HEXB: variants seen among roughly 807,000 people sequenced by gnomAD.
HEXB encodes beta-hexosaminidase subunit beta.
In HEXB, 51 loss-of-function variants were observed where a neutral mutation model predicts 71.2. The ratio of observed to expected loss-of-function variants is 0.72; its 90% CI spans 0.57 to 0.90. The LOEUF (loss-of-function observed/expected upper bound fraction) is 0.90. HEXB is among the 40% of genes least tolerant of loss of function. HEXB has a pLI of 0.00. For missense variants in HEXB, 617 were observed against 677.0 expected (o/e 0.91, Z 0.98); for synonymous variants, 266 against 249.3 (o/e 1.07, Z -0.63).
intron 1 of HEXB, among the ~76,000 whole-genome samples, chr5:74,672,075 C>T (rs1368079593): frequency 6.6e-6 from 1 of 152,216 alleles, no homozygotes; most frequent in African/African-American, 2.4e-5. Context: ...ATCCAGGCTT[C>T]TGCTATCCCG....
At chr5:74,716,810 C>T (rs1312861148) in intron 9 of HEXB, 137 bp downstream of exon 9, 1 of 598,176 alleles carries the variant, frequency 1.7e-6, no homozygotes, top group Non-Finnish European at 3.0e-6. Flanking sequence ...AGGCAATACC[C>T]ACTGCTTGCT....
At chr5:74,692,333 A>C (rs1362498569) in intron 2 of HEXB, among the ~76,000 whole-genome samples, 2 of 141,824 alleles carry the variant, frequency 1.4e-5, no homozygotes, top group Non-Finnish European at 3.0e-5. Context: ...CCCTGTCTCT[A>C]CAAAAAAAAA....
At chr5:74,682,339 T>G (rs1027802066), upstream of HEXB, among the ~76,000 whole-genome samples, 1 of 152,040 alleles carries the variant, frequency 6.6e-6, no homozygotes, top group South Asian at 2.1e-4. Flanking sequence ...GCCTGGGCGA[T>G]AGAGCGAGAC....
intron 1 of HEXB, among the ~76,000 whole-genome samples, chr5:74,661,553 GTGTGTGTGTGTC>G (rs1748325168): frequency 3.1e-4 from 20 of 63,972 alleles, no homozygotes; most frequent in African/African-American, 1.0e-3. Context: ...GTGTGTGTGT[GTGTGTGTGTGTC>G]TCTCTCTCTC....
chr5:74,708,240 TGA>T (rs1236777295), intron 6 of HEXB, among the ~76,000 whole-genome samples: 2 of 151,758 alleles, frequency 1.3e-5, no homozygotes, highest in African/African-American at 2.4e-5. Flanking sequence ...AAGCAAATGC[TGA>T]GAGATTTTGT....
intron 3 of HEXB, among the ~76,000 whole-genome samples, chr5:74,695,337 G>A (rs529002956): frequency 6.7e-6 from 1 of 150,028 alleles, no homozygotes; most frequent in Non-Finnish European, 1.5e-5. Flanking sequence ...CCGAGTAGCT[G>A]GTACTACAGG....
Position 74,685,386 on chromosome 5 carries a change from G to A in HEXB, c.126G>A (p.Ala42=), listed in dbSNP as rs1457481809. The change falls in exon 1 of 14, where the codon GCG becomes GCA. Residue 42 remains alanine, a synonymous_variant. Coordinates refer to ENST00000261416, the MANE Select transcript of HEXB (RefSeq NM_000521.4). ...CGCTGGTGGTGCAGGTGGCGGAGGC[G>A]GCTCGGGCCCCGAGCGTCTCGGCCA... The part of the protein sequence containing the change: ...QVALVVQVAE[A]ARAPSVSAKP... 4 of 1,593,274 alleles carry A rather than the reference G, an allele frequency of 2.5e-6. No homozygotes were observed. The highest frequency in any genetic ancestry group is 1.7e-5 in the Admixed American group (1 of 57,272).
At chr5:74,680,967 A>G (rs1748726576), upstream of HEXB, among the ~76,000 whole-genome samples, 9 of 152,346 alleles carry the variant, frequency 5.9e-5, no homozygotes, top group South Asian at 1.7e-3. Context: ...CCACTTTTTC[A>G]TATTTCAGTC....
At chr5:74,699,903 C>T (rs573460265) in intron 5 of HEXB, among the ~76,000 whole-genome samples, 1 of 150,818 alleles carries the variant, frequency 6.6e-6, no homozygotes, top group Admixed American at 6.6e-5. Flanking sequence ...AAATATATCT[C>T]CTTGTTTTAA....
rs1260110368 is a variant in HEXB at position 74,652,458 on chromosome 5, G to A, written c.-377+11900G>A. Among the ~76,000 whole-genome samples, 7 of 152,212 alleles carry A rather than the reference G, an allele frequency of 4.6e-5. No individual in the cohort carries two copies. The highest frequency in any genetic ancestry group is 8.8e-5 in the Non-Finnish European group (6 of 68,044). On this transcript the variant is annotated intron_variant, in intron 1 of 13. Coordinates refer to the HEXB transcript ENST00000511181. This position sits in a 1 kb window ranked among gnomAD's most constrained non-coding sequence, Gnocchi z 5.4. ...CTTAATCAATGGTACGAAAATTGCA[G>A]CCGCTCCCATGTGTTGGGATGTTTT... is the stretch of plus-strand genomic sequence containing the variant.
intron 6 of HEXB, among the ~76,000 whole-genome samples, chr5:74,712,857 T>C (rs960987020): frequency 3.3e-5 from 5 of 152,178 alleles, no homozygotes; most frequent in Admixed American, 2.0e-4. Context: ...AGCTCACAAC[T>C]TTAGTTACAA....
rs144264311 is a variant in HEXB, at chr5:74,718,805, G to T, written c.1251G>T (p.Pro417=). Residue 417 remains proline, a synonymous_variant, in exon 11 of 14, where the codon CCG becomes CCT. Transcript: ENST00000261416. Reference sequence around the variant, plus strand: ...ATTTGTAACGTTAATAGCTTGCGCCGGGCACAATAGTTGAAGTATGGAAAG... The same window carrying T: ...ATTTGTAACGTTAATAGCTTGCGCCTGGCACAATAGTTGAAGTATGGAAAG... ...EVFDDKAKLA[P]GTIVEVWKDS... 1 of 1,613,830 alleles carries T rather than the reference G, an allele frequency of 6.2e-7. No individual in the cohort carries two copies. Among genetic ancestry groups the T allele is most frequent in the South Asian group, 1.1e-5 (1 of 91,078 alleles).
chr5:74,708,112 C>T (rs1749448952), intron 6 of HEXB, among the ~76,000 whole-genome samples: 2 of 152,086 alleles, frequency 1.3e-5, no homozygotes, highest in South Asian at 4.2e-4. Flanking sequence ...CTCTACAAGC[C>T]AGAAGACAGT....
chr5:74,718,949 A>G lies in HEXB; in HGVS notation c.1395A>G (p.Lys465=). ...GACAAGATTGGAGGAAATACTATAAAGTGGAACCTCTTGATTTTGGCGGTA... is the reference window on the plus strand; with the variant it reads ...GACAAGATTGGAGGAAATACTATAAGGTGGAACCTCTTGATTTTGGCGGTA... The part of the protein sequence containing the change: ...SYGQDWRKYY[K]VEPLDFGGTQ... The change falls in exon 11 of 14, where the codon AAA becomes AAG. Residue 465 remains lysine (K), a synonymous_variant. Transcript: ENST00000261416. 1 of 1,614,142 alleles carries G rather than the reference A, an allele frequency of 6.2e-7. No homozygotes were observed. The highest frequency in any genetic ancestry group is 8.5e-7 in the Non-Finnish European group (1 of 1,180,020).
At chr5:74,693,617 T>C (rs759594266) in intron 2 of HEXB, 22 bp from the exon 3 acceptor site, 51 of 1,557,514 alleles carry the variant, frequency 3.3e-5, no homozygotes, top group Non-Finnish European at 3.9e-5. Flanking sequence ...AGTGTGTGTG[T>C]GATTTTAAAT....
At chr5:74,686,410 A>G (rs1748876192) in intron 1 of HEXB, among the ~76,000 whole-genome samples, 1 of 152,162 alleles carries the variant, frequency 6.6e-6, no homozygotes, top group African/African-American at 2.4e-5. Context: ...CAGAATTGTA[A>G]TTTGGTGCTA....
At chr5:74,651,862 A>T (rs1325017557) in intron 1 of HEXB, among the ~76,000 whole-genome samples, 1 of 152,220 alleles carries the variant, frequency 6.6e-6, no homozygotes, top group Non-Finnish European at 1.5e-5. Context: ...GCTAGAAGTG[A>T]TAAGACTTAG....
At chr5:74,712,433 T>A (rs1749568675) in intron 6 of HEXB, among the ~76,000 whole-genome samples, 1 of 143,278 alleles carries the variant, frequency 7.0e-6, no homozygotes, top group Admixed American at 6.8e-5. Context: ...AGTATGATAA[T>A]AATAAAAAAA....
rs1454474336 is a variant in HEXB, at chr5:74,713,583, T to G, written c.849T>G (p.Ile283Met). 3.1e-6 allele frequency: 5 copies of G among 1,613,630 alleles called. 1 individual carries two copies. The South Asian group carries it at 5.5e-5, about 18-fold the overall frequency. The change falls in exon 7 of 14, where the codon ATT becomes ATG. Residue 283 changes from isoleucine to methionine, a missense_variant. Coordinates refer to ENST00000261416, the MANE Select transcript of HEXB (RefSeq NM_000521.4). ...TTGAATATGCCAGATTACGAGGAAT[T>G]CGAGTCCTGCCAGAATTTGATACCC... ...MVIEYARLRG[I>M]RVLPEFDTPG... is the part of the protein sequence containing the mutation.
Sources: allele counts gnomAD v4.1 joint callset (sites outside exome capture counted in the v4.1 genomes callset), GRCh38; gene constraint gnomAD v4.1.1; non-coding constraint Gnocchi (gnomAD v3.1); transcripts MANE v1.5; gene names NCBI Gene and HGNC (gene_info 2026-07-23, HGNC 2026-07-21).